Variants in ZNF569 observed in about 807,000 individuals in gnomAD.
ZNF569 encodes DNA-binding protein.
A neutral mutation model predicts 56.3 loss-of-function variants in ZNF569; 38 were observed. The observed-to-expected ratio is 0.68, with a 90% confidence interval of 0.52 to 0.88. ZNF569 has a LOEUF of 0.88. Ranked by LOEUF, ZNF569 falls within the 40% of genes least tolerant of loss-of-function variation. The pLI, the probability that ZNF569 is intolerant of heterozygous loss-of-function variation, is 0.00. For missense variants in ZNF569, 666 were observed against 809.2 expected, an observed-to-expected ratio of 0.82 and a Z score of 2.15; for synonymous variants, 241 against 262.9, an observed-to-expected ratio of 0.92 and a Z score of 0.81.
At chr19:37,427,720 T>C (rs2041158093) in intron 3 of ZNF569, 4 of 474,320 alleles carry the variant, frequency 8.4e-6, no homozygotes, top group Non-Finnish European at 1.7e-5. Context: ...GCAATAAACA[T>C]GTTCAAGAAG....
At chr19:37,467,507 C>A, upstream of ZNF569, 2 of 249,514 alleles carry the variant, frequency 8.0e-6, 1 homozygote, top group South Asian at 2.0e-4. Context: ...TGCAAAAAGG[C>A]ACTTCCTTCT....
intron 2 of ZNF569, among the ~76,000 whole-genome samples, chr19:37,457,035 A>G (rs1052926195): frequency 1.3e-4 from 18 of 141,318 alleles, no homozygotes; most frequent in Non-Finnish European, 2.1e-4. Context: ...GATCAGTACA[A>G]AGAATACTTC....
intron 2 of ZNF569, among the ~76,000 whole-genome samples, chr19:37,454,398 C>A (rs1198512731): frequency 6.6e-6 from 1 of 152,018 alleles, no homozygotes; most frequent in Non-Finnish European, 1.5e-5. Context: ...AGGCAGACAC[C>A]ATATCCCTAA....
chr19:37,427,088 C>T (rs1020720188), intron 3 of ZNF569, among the ~76,000 whole-genome samples: 6 of 152,212 alleles, frequency 3.9e-5, no homozygotes, highest in East Asian at 3.9e-4. Context: ...GAGACTGAGA[C>T]GTGAAAATCC....
rs2040862002 is a variant in ZNF569 at position 37,412,916 on chromosome 19, TTACA to T, written c.1738_1741del (p.Cys580MetfsTer17). 6.2e-7 allele frequency: 1 copy of T among 1,613,318 alleles called. No individual in the cohort carries two copies. The highest frequency in any genetic ancestry group is 1.1e-5 in the South Asian group (1 of 91,042). On this transcript the variant is annotated frameshift_variant, in exon 6 of 6. Coordinates refer to ENST00000316950, the MANE Select transcript of ZNF569 (RefSeq NM_152484.3). LOFTEE classifies it high-confidence loss of function. ...TTGAGAGAAGGCTTTCCCACATTCATTACATACATAGGGCTTCTCACCTGTGTGA... is the reference window on the plus strand; with the variant it reads ...TTGAGAGAAGGCTTTCCCACATTCATTACATAGGGCTTCTCACCTGTGTGA...
chr19:37,469,115 C>T (rs544926771), upstream of ZNF569: 339 of 1,068,070 alleles, frequency 3.2e-4, 3 homozygotes, highest in African/African-American at 5.3e-3. Context: ...TGTGACCGGG[C>T]CAGGCTCGGA....
chr19:37,461,755 CCA>C (rs1241096504), intron 2 of ZNF569, among the ~76,000 whole-genome samples: 1 of 152,182 alleles, frequency 6.6e-6, no homozygotes, highest in Non-Finnish European at 1.5e-5. Context: ...AGCCTAAAAT[CCA>C]CAGTCAAAAC....
chr19:37,468,522 G>A (rs927095555), upstream of ZNF569, among the ~76,000 whole-genome samples: 1 of 151,896 alleles, frequency 6.6e-6, no homozygotes, highest in Non-Finnish European at 1.5e-5. Flanking sequence ...TTAAGACGGA[G>A]TCTTGCTCTG....
chr19:37,412,636 C>T lies in ZNF569; in HGVS notation c.2022G>A (p.Lys674=). The change falls in exon 6 of 6, where the codon AAG becomes AAA. Residue 674 remains lysine (K), a synonymous_variant. Coordinates refer to ENST00000316950, the MANE Select transcript of ZNF569 (RefSeq NM_152484.3). The stretch of plus-strand genomic sequence containing the variant: ...TTCTCTGGTGTCTAACAAGGTGCGA[C>T]TTTTGGCTGAAAGCCTTGCCACACT... The part of the protein sequence containing the change: ...CIECGKAFSQ[K]SHLVRHQRIH... 6.2e-7 allele frequency: 1 copy of T among 1,610,422 alleles called. No individual in the cohort carries two copies. Among genetic ancestry groups the T allele is most frequent in the Non-Finnish European group, 8.5e-7 (1 of 1,178,612 alleles).
chr19:37,448,365 T>C (rs1419910344), intron 2 of ZNF569, among the ~76,000 whole-genome samples: 4 of 152,114 alleles, frequency 2.6e-5, no homozygotes, highest in Non-Finnish European at 5.9e-5. Context: ...ATGGAGTTGT[T>C]TGCAGTATTC....
chr19:37,464,927 T>C (rs1356395691), intron 2 of ZNF569, among the ~76,000 whole-genome samples: 1 of 152,108 alleles, frequency 6.6e-6, no homozygotes, highest in Non-Finnish European at 1.5e-5. Context: ...CAGCTTCCCA[T>C]CTCACTCAGA....
At chr19:37,434,796 C>T (rs539063609) in intron 3 of ZNF569, among the ~76,000 whole-genome samples, 1 of 152,184 alleles carries the variant, frequency 6.6e-6, no homozygotes, top group Non-Finnish European at 1.5e-5. Context: ...TGTAATTCTC[C>T]CCACCCTTGA....
At chr19:37,449,313 A>C (rs2041553275) in intron 2 of ZNF569, among the ~76,000 whole-genome samples, 1 of 152,324 alleles carries the variant, frequency 6.6e-6, no homozygotes, top group African/African-American at 2.4e-5. Context: ...ATGTTCTATA[A>C]ATGTCACTCA....
chr19:37,417,545 G>A (rs996726061), intron 5 of ZNF569, among the ~76,000 whole-genome samples: 1 of 152,172 alleles, frequency 6.6e-6, no homozygotes, highest in East Asian at 1.9e-4. Flanking sequence ...CACCACACCT[G>A]GCCAATTCCT....
At chr19:37,448,738 T>C (rs1451159579) in intron 2 of ZNF569, among the ~76,000 whole-genome samples, 1 of 151,952 alleles carries the variant, frequency 6.6e-6, no homozygotes, top group Non-Finnish European at 1.5e-5. Context: ...TGATTTTTTG[T>C]ATTTTTAGTA....
chr19:37,419,038 C>T (rs561487368), intron 5 of ZNF569, among the ~76,000 whole-genome samples: 6 of 152,244 alleles, frequency 3.9e-5, no homozygotes, highest in African/African-American at 1.2e-4. Context: ...ATTTGGATTT[C>T]TCTAACAATC....
chr19:37,467,791 C>T, upstream of ZNF569: 27 of 1,234,226 alleles, frequency 2.2e-5, no homozygotes, highest in Non-Finnish European at 3.1e-5. Flanking sequence ...TGTCCAGTGA[C>T]ATCTGAGGTC....
intron 2 of ZNF569, among the ~76,000 whole-genome samples, chr19:37,464,142 C>CCACA (rs149837882): frequency 6.6e-6 from 1 of 151,604 alleles, no homozygotes; most frequent in Admixed American, 6.6e-5. Flanking sequence ...TCACTCACCA[C>CCACA]CACACACACA....
At chr19:37,419,767 T>C (rs777374215) in intron 5 of ZNF569, among the ~76,000 whole-genome samples, 1 of 151,938 alleles carries the variant, frequency 6.6e-6, no homozygotes, top group Non-Finnish European at 1.5e-5. Flanking sequence ...ATTACGTATA[T>C]AACAGCATCA....
Sources: gnomAD v4.1 joint callset for allele counts (sites outside exome capture counted in the v4.1 genomes callset) on GRCh38, gnomAD v4.1.1 for gene constraint, MANE v1.5 for transcripts, NCBI Gene and HGNC (gene_info 2026-07-23, HGNC 2026-07-21) for gene names.